Variants in HNRNPM observed in about 807,000 individuals in gnomAD.
The protein encoded by HNRNPM is CEA receptor.
In HNRNPM, 11 loss-of-function variants were observed where a neutral mutation model predicts 73.1. That is an observed-to-expected ratio of 0.15 (90% CI 0.09 to 0.25). The LOEUF (loss-of-function observed/expected upper bound fraction) is 0.25. Among genes scored for constraint, HNRNPM ranks in the 10% least tolerant of loss-of-function variants. HNRNPM has a pLI of 1.00. For missense variants in HNRNPM, 789 were observed against 1,067.9 expected (o/e 0.74, Z 3.64); for synonymous variants, 407 against 355.2 (o/e 1.15, Z -1.64).
chr19:8,483,291 A>C (rs1599871), intron 13 of HNRNPM, 80 bp downstream of exon 13: 710,354 of 1,111,070 alleles, frequency 0.64, 233,545 homozygotes, highest in Admixed American at 0.74. Context: ...AGTGGTGAGA[A>C]GTGCGGGTTC....
At position 8,460,088 on chromosome 19, in the gene HNRNPM, T is replaced by C. The variant is rs145821550; in HGVS notation, c.284-2441T>C. Among the ~76,000 whole-genome samples, 706 of 152,278 alleles carry C rather than the reference T, an allele frequency of 4.6e-3. 7 individuals carry two copies. Among genetic ancestry groups the C allele is most frequent in the African/African-American group, 0.016 (666 of 41,558 alleles). On this transcript the variant is annotated intron_variant, in intron 2 of 15. Coordinates refer to ENST00000325495, the MANE Select transcript of HNRNPM (RefSeq NM_005968.5). ...CTGCTGCTACTGCCAAGCTGTCACCTCTACCCCTGAGTCCTGACTGTGTGA... is the reference window on the plus strand; with the variant it reads ...CTGCTGCTACTGCCAAGCTGTCACCCCTACCCCTGAGTCCTGACTGTGTGA...
rs567415803 is a variant in HNRNPM, at chr19:8,452,616, A to T, written c.114-2789A>T. Among the ~76,000 whole-genome samples the T allele has an allele frequency of 6.6e-5, 10 of 152,244 alleles. No individual in the cohort carries two copies. In the East Asian group the frequency reaches 1.9e-3, roughly 29 times the overall value. ...TAGATTGCGTTCTAGGCATCTAGGGATTGGAGCTGCCATAACATCACCTTA... is the reference window on the plus strand; with the variant it reads ...TAGATTGCGTTCTAGGCATCTAGGGTTTGGAGCTGCCATAACATCACCTTA... On this transcript the variant is annotated intron_variant, in intron 1 of 15. Transcript: ENST00000325495.
At chr19:8,467,916 A>G (rs375782254) in intron 8 of HNRNPM, among the ~76,000 whole-genome samples, 2 of 151,982 alleles carry the variant, frequency 1.3e-5, no homozygotes, top group African/African-American at 4.8e-5. Context: ...TAGTCCAGCT[A>G]CTCGGGAGGC....
rs1377029432 is a variant in HNRNPM, at chr19:8,485,961, G to T, written c.1533G>T (p.Met511Ile). ...GTGTGGGCCAGACCATTGAGCGCAT[G>T]GGCTCTGGCGTGGAGCGCATGGGCC... ...IDRVGQTIER[M>I]GSGVERMGPA... The change falls in exon 14 of 16, where the codon ATG (methionine) becomes ATT (isoleucine). Residue 511 changes from methionine (M) to isoleucine (I), a missense_variant. Physicochemically the swap from Met to Ile is conservative, Grantham distance 10 (BLOSUM62 1). Transcript: ENST00000325495. 3.1e-6 allele frequency: 5 copies of T among 1,606,478 alleles called. No homozygotes were observed.
At chr19:8,450,730 T>A (rs113420240) in intron 1 of HNRNPM, among the ~76,000 whole-genome samples, 5,362 of 71,094 alleles carry the variant, frequency 0.075, 146 homozygotes, top group African/African-American at 0.12. Context: ...TATTATTATT[T>A]TTTTTTTTTT....
intron 1 of HNRNPM, among the ~76,000 whole-genome samples, chr19:8,455,015 C>T (rs1194289761): frequency 6.6e-6 from 1 of 152,058 alleles, no homozygotes; most frequent in African/African-American, 2.4e-5. Context: ...GCTCTGTCAC[C>T]CTAGGCTGGA....
chr19:8,484,888 T>C (rs973736212), intron 13 of HNRNPM, among the ~76,000 whole-genome samples: 1 of 152,138 alleles, frequency 6.6e-6, no homozygotes, highest in Admixed American at 6.5e-5. Context: ...TTCTGCTGAC[T>C]GACCCCCAGC....
intron 5 of HNRNPM, 33 bp from the exon 6 acceptor site, chr19:8,465,287 GGTCA>G: frequency 6.6e-7 from 1 of 1,518,682 alleles, no homozygotes; most frequent in Non-Finnish European, 9.0e-7. Context: ...CGTTGTACTG[GGTCA>G]GTTAAACGTA....
intron 2 of HNRNPM, among the ~76,000 whole-genome samples, chr19:8,458,890 T>A (rs1422722773): frequency 6.6e-6 from 1 of 152,236 alleles, no homozygotes; most frequent in Non-Finnish European, 1.5e-5. Flanking sequence ...TCCTACCCAG[T>A]CTACTTGCTT....
At chr19:8,458,083 A>G (rs907608476) in intron 2 of HNRNPM, among the ~76,000 whole-genome samples, 3 of 152,206 alleles carry the variant, frequency 2.0e-5, no homozygotes, top group Admixed American at 6.5e-5. Flanking sequence ...TCTCAGAACT[A>G]AAGTAGCTAG....
At position 8,447,110 on chromosome 19, in the gene HNRNPM, T is replaced by TA. The variant is rs554637962; in HGVS notation, c.113+2000dup. ...TTTTGTGACTGAGTCATTTTACAAA[T>TA]ACATGTGGACTGTTGGAACCTGAAA... On this transcript the variant is annotated intron_variant, in intron 1 of 15. Coordinates refer to ENST00000325495, the MANE Select transcript of HNRNPM (RefSeq NM_005968.5). Among the ~76,000 whole-genome samples, 448 of 152,322 alleles carry TA rather than the reference T, an allele frequency of 2.9e-3. 1 individual carries two copies. Among genetic ancestry groups the TA allele is most frequent in the Middle Eastern group, 6.8e-3 (2 of 294 alleles).
intron 9 of HNRNPM, among the ~76,000 whole-genome samples, chr19:8,471,107 C>T (rs1404068369): frequency 1.3e-5 from 2 of 151,874 alleles, no homozygotes; most frequent in Non-Finnish European, 2.9e-5. Context: ...TGTTGGTTTT[C>T]AGCCGCCTTT....
intron 12 of HNRNPM, among the ~76,000 whole-genome samples, chr19:8,477,826 C>T (rs1970625404): frequency 6.6e-6 from 1 of 152,218 alleles, no homozygotes; most frequent in Non-Finnish European, 1.5e-5. Flanking sequence ...TGTTAGGGCA[C>T]AGGCTTCTGT....
chr19:8,486,638 G>C (rs1971330962), intron 14 of HNRNPM, among the ~76,000 whole-genome samples: 1 of 68,190 alleles, frequency 1.5e-5, no homozygotes, highest in Non-Finnish European at 4.1e-5. Flanking sequence ...TGAGCTCAGA[G>C]ACTCCAGTTT....
At chr19:8,459,260 A>G (rs1009241140) in intron 2 of HNRNPM, among the ~76,000 whole-genome samples, 1 of 152,162 alleles carries the variant, frequency 6.6e-6, no homozygotes, top group African/African-American at 2.4e-5. Flanking sequence ...GTTCATATGT[A>G]TGAATACTTA....
intron 2 of HNRNPM, among the ~76,000 whole-genome samples, chr19:8,459,848 A>G (rs1324046774): frequency 6.6e-6 from 1 of 152,224 alleles, no homozygotes; most frequent in African/African-American, 2.4e-5. Context: ...ATGTTGGTCA[A>G]AAATGATTTC....
chr19:8,460,851 G>C (rs1041762949), intron 2 of HNRNPM, among the ~76,000 whole-genome samples: 1 of 152,142 alleles, frequency 6.6e-6, no homozygotes, highest in Non-Finnish European at 1.5e-5. Context: ...ACACTATGTG[G>C]CATTTTCATC....
Position 8,473,690 on chromosome 19 carries a change from G to A in HNRNPM, c.1024G>A (p.Gly342Arg). The A allele has an allele frequency of 6.4e-7, 1 of 1,574,650 alleles. No homozygotes were observed. Among genetic ancestry groups the A allele is most frequent in the Non-Finnish European group, 8.7e-7 (1 of 1,145,946 alleles). ...AGMGMEGIGF[G>R]INKMGGMEGP... The stretch of plus-strand genomic sequence containing the variant: ...AATGGGAATGGAAGGCATAGGATTT[G>A]GAATAAATAAAATGGGAGGTAAGAA... The change falls in exon 11 of 16, where the codon GGA becomes AGA. Residue 342 changes from glycine (G) to arginine (R), a missense_variant. By Grantham distance (125) the Gly-to-Arg change is moderately radical. Around this residue, in one of 4 missense-constraint regions of HNRNPM, gnomAD observed 604 missense variants for 744.0 expected, o/e 0.81. Transcript: ENST00000325495.
At chr19:8,474,332 A>C in intron 12 of HNRNPM, 88 bp downstream of exon 12, 1 of 779,942 alleles carries the variant, frequency 1.3e-6, no homozygotes, top group Non-Finnish European at 2.0e-6. Flanking sequence ...CCCACTGAAT[A>C]AGTGGTTTCT....
Sources: allele counts gnomAD v4.1 joint callset (sites outside exome capture counted in the v4.1 genomes callset), GRCh38; gene constraint gnomAD v4.1.1; regional missense constraint gnomAD v4.1.1; transcripts MANE v1.5; gene names NCBI Gene and HGNC (gene_info 2026-07-23, HGNC 2026-07-21).